TCF20: variants seen among roughly 807,000 people sequenced by gnomAD.
TCF20 encodes SPRE-binding protein.
A neutral mutation model predicts 148.6 loss-of-function variants in TCF20; 3 were observed. That is an observed-to-expected ratio of 0.02 (90% confidence interval 0.01 to 0.05). TCF20 has a LOEUF of 0.05. TCF20 is among the 10% of genes least tolerant of loss of function. TCF20 has a pLI of 1.00. For missense variants in TCF20, 2,350 were observed against 2,429.3 expected (o/e 0.97, Z 0.69); for synonymous variants, 1,049 against 909.5 (o/e 1.15, Z -2.76).
chr22:42,253,376 G>A lies in TCF20; in HGVS notation c.-37+16963C>T, dbSNP rs140273039. Among the ~76,000 whole-genome samples the A allele has an allele frequency of 2.2e-4, 33 of 152,082 alleles. 2 individuals are homozygous for A. In the East Asian group the frequency reaches 5.0e-3, roughly 23 times the overall value. ...AAAGCTTCTTCAACAGATACAGGAC[G>A]GGCTAGTATCAAAATATAGAAAAAA... is the stretch of plus-strand genomic sequence containing the variant. On this transcript the variant is annotated intron_variant, in intron 1 of 5. Coordinates refer to ENST00000677622, the MANE Select transcript of TCF20 (RefSeq NM_001378418.1).
chr22:42,208,716 A>G (rs762084793), intron 2 of TCF20, among the ~76,000 whole-genome samples: 2 of 152,192 alleles, frequency 1.3e-5, no homozygotes, highest in Non-Finnish European at 2.9e-5. Flanking sequence ...ACAGAGGAGA[A>G]AAGATAAAAA....
intron 5 of TCF20, among the ~76,000 whole-genome samples, chr22:42,162,492 T>C (rs150104447): frequency 2.0e-5 from 3 of 152,166 alleles, no homozygotes; most frequent in Non-Finnish European, 2.9e-5. Flanking sequence ...GTAGGACAGA[T>C]GGATTGTACC....
intron 1 of TCF20, among the ~76,000 whole-genome samples, chr22:42,220,105 A>G (rs1189669004): frequency 2.0e-5 from 3 of 152,206 alleles, no homozygotes. Flanking sequence ...GCCCTCTTAT[A>G]GAAAACCAAC....
At position 42,211,579 on chromosome 22, in the gene TCF20, C is replaced by G. The variant is rs775566572; in HGVS notation, c.3727G>C (p.Glu1243Gln). 27 of 1,614,100 alleles carry G rather than the reference C, an allele frequency of 1.7e-5. 2 individuals are homozygous for G. The South Asian group carries it at 3.0e-4, about 18-fold the overall frequency. The change falls in exon 2 of 6, where the codon GAG (glutamate) becomes CAG (glutamine). Residue 1243 changes from glutamate to glutamine, a missense_variant. Physicochemically the swap from Glu to Gln is conservative, Grantham distance 29. Coordinates refer to ENST00000677622, the MANE Select transcript of TCF20 (RefSeq NM_001378418.1). ...AAGGGGTTTTGAGAAGAATGATCCT[C>G]CTGGCCTGGAAGTCTCAGCATAACA... ...GSVMLRLPGQ[E>Q]DHSSQNPLIM...
At chr22:42,295,334 C>T (rs924020901) in intron 1 of TCF20, among the ~76,000 whole-genome samples, 2 of 152,206 alleles carry the variant, frequency 1.3e-5, no homozygotes, top group South Asian at 2.1e-4. Context: ...CACTCCCCAC[C>T]GCTGGGCTGC....
At position 42,213,213 on chromosome 22, in the gene TCF20, G is replaced by A. The variant is rs1450119920; in HGVS notation, c.2093C>T (p.Pro698Leu). The A allele has an allele frequency of 3.7e-6, 6 of 1,614,198 alleles. No individual in the cohort carries two copies. Among genetic ancestry groups the A allele is most frequent in the Non-Finnish European group, 4.2e-6 (5 of 1,180,040 alleles). The change falls in exon 2 of 6, where the codon CCT becomes CTT. Residue 698 changes from proline (P) to leucine (L), a missense_variant. Physicochemically the swap from Pro to Leu is moderately conservative, Grantham distance 98. Coordinates refer to ENST00000677622, the MANE Select transcript of TCF20 (RefSeq NM_001378418.1). ...AGPGFTSRTE[P>L]SKSPGSLRYS... is the part of the protein sequence containing the mutation. ...GCGCAGACTTCCAGGAGATTTGCTA[G>A]GCTCAGTTCTGCTCGTAAAACCAGG... is the stretch of plus-strand genomic sequence containing the variant.
chr22:42,202,855 C>T (rs1327701202), intron 2 of TCF20, among the ~76,000 whole-genome samples: 1 of 152,222 alleles, frequency 6.6e-6, no homozygotes, highest in Non-Finnish European at 1.5e-5. Context: ...TGACATAGAG[C>T]TTCTCTAACC....
At chr22:42,193,595 T>C (rs565841083) in intron 2 of TCF20, among the ~76,000 whole-genome samples, 42 of 152,224 alleles carry the variant, frequency 2.8e-4, no homozygotes, top group South Asian at 2.7e-3. Flanking sequence ...CCTGAAGTGA[T>C]GGGATTACAG....
chr22:42,179,579 T>G (rs748945868), intron 3 of TCF20, 30 bp downstream of exon 3: 42 of 1,506,490 alleles, frequency 2.8e-5, no homozygotes, highest in Non-Finnish European at 3.8e-5. Flanking sequence ...CTTTGGATGC[T>G]CTGGACAAGG....
upstream of TCF20, among the ~76,000 whole-genome samples, chr22:42,273,030 T>A (rs942957003): frequency 1.3e-5 from 2 of 151,970 alleles, no homozygotes; most frequent in Non-Finnish European, 2.9e-5. Flanking sequence ...AATTTTTTTT[T>A]AATTACCTCA....
At chr22:42,231,798 G>A (rs375212758) in intron 1 of TCF20, among the ~76,000 whole-genome samples, 50 of 151,448 alleles carry the variant, frequency 3.3e-4, no homozygotes, top group South Asian at 6.3e-4. Context: ...GTGTGGTGGC[G>A]GGCACCTGTA....
intron 1 of TCF20, among the ~76,000 whole-genome samples, chr22:42,336,022 G>A (rs1318734101): frequency 6.6e-6 from 1 of 152,236 alleles, no homozygotes; most frequent in Non-Finnish European, 1.5e-5. Flanking sequence ...CCACCATGCA[G>A]GCTGCAACCT....
At position 42,212,599 on chromosome 22, in the gene TCF20, T is replaced by C. The variant is rs1314212425; in HGVS notation, c.2707A>G (p.Thr903Ala). The change falls in exon 2 of 6, where the codon ACT becomes GCT. Residue 903 changes from threonine (T) to alanine (A), a missense_variant. Thr to Ala is a moderately conservative substitution (Grantham distance 58). Transcript: ENST00000677622. ...RIGRNDRLNP[T>A]LSQSVILPGG... ...GGAAGAATGACCGACTGACTTAAAG[T>C]TGGATTGAGACGGTCATTCCTCCCA... is the stretch of plus-strand genomic sequence containing the variant. 1.9e-5 allele frequency: 31 copies of C among 1,614,168 alleles called. No homozygotes were observed. The East Asian group carries it at 6.2e-4, about 32-fold the overall frequency.
chr22:42,254,016 C>T (rs996909210), intron 1 of TCF20, among the ~76,000 whole-genome samples: 2 of 136,118 alleles, frequency 1.5e-5, no homozygotes, highest in African/African-American at 5.5e-5. Flanking sequence ...GCGGAGGTTG[C>T]GGTGAGCTGA....
chr22:42,193,738 A>T (rs946748998), intron 2 of TCF20, among the ~76,000 whole-genome samples: 2 of 152,142 alleles, frequency 1.3e-5, no homozygotes, highest in African/African-American at 4.8e-5. Flanking sequence ...CTTAGGGGCT[A>T]AGTGATGTTA....
chr22:42,338,422 G>C lies in TCF20; in HGVS notation c.-37+5057C>G, dbSNP rs1328046944. Among the ~76,000 whole-genome samples the C allele has an allele frequency of 5.5e-4, 1 of 1,826 alleles. No individual in the cohort carries two copies. Among genetic ancestry groups the C allele is most frequent in the African/African-American group, 3.1e-3 (1 of 326 alleles). The allele number at this position is 1,826 out of a possible 152,430, so 1.2% of individuals were successfully genotyped here. A position where few individuals can be genotyped will look rare whatever the true frequency, so the allele number is the denominator to read the frequency against. On this transcript the variant is annotated intron_variant, in intron 1 of 1. Transcript: ENST00000515426. This position sits in a 1 kb window ranked among gnomAD's most constrained non-coding sequence, Gnocchi z 4.0. ...TTAAATGGCAGCGCAGAGTCGGGAG[G>C]GGGGTGCCCAGGGGGCCTCAGCAGA...
At chr22:42,244,168 C>A (rs1348194006) in intron 1 of TCF20, among the ~76,000 whole-genome samples, 2 of 152,202 alleles carry the variant, frequency 1.3e-5, no homozygotes, top group Admixed American at 1.3e-4. Context: ...CATGCCACTG[C>A]CCTCCAGCCT....
At chr22:42,334,465 C>G (rs1038554039) in intron 1 of TCF20, among the ~76,000 whole-genome samples, 1 of 152,230 alleles carries the variant, frequency 6.6e-6, no homozygotes, top group African/African-American at 2.4e-5. Context: ...CTCACTCAAG[C>G]AGCCAGTTCA....
intron 1 of TCF20, among the ~76,000 whole-genome samples, chr22:42,238,348 G>A (rs927496630): frequency 2.0e-5 from 3 of 152,240 alleles, no homozygotes; most frequent in Non-Finnish European, 4.4e-5. Flanking sequence ...TCTGGCTTAA[G>A]GGAATGTTGC....
Sources: allele counts gnomAD v4.1 joint callset (sites outside exome capture counted in the v4.1 genomes callset), GRCh38; gene constraint gnomAD v4.1.1; non-coding constraint Gnocchi (gnomAD v3.1); transcripts MANE v1.5; gene names NCBI Gene and HGNC (gene_info 2026-07-23, HGNC 2026-07-21).